The following ARHGEF4 variants were observed in gnomAD, a reference collection of about 807,000 sequenced individuals.
The protein encoded by ARHGEF4 is APC-stimulated guanine nucleotide exchange factor 1.
A neutral mutation model predicts 162.0 loss-of-function variants in ARHGEF4; 119 were observed. The observed-to-expected ratio is 0.73, with a 90% CI of 0.63 to 0.86. The LOEUF is 0.86. Among genes scored for constraint, ARHGEF4 ranks in the 40% least tolerant of loss-of-function variants. ARHGEF4 has a pLI of 0.00. For synonymous variants in ARHGEF4, 1,014 were observed against 979.9 expected (o/e 1.03, Z -0.65); for missense variants, 2,488 against 2,456.0 (o/e 1.01, Z -0.28).
intron 4 of ARHGEF4, among the ~76,000 whole-genome samples, chr2:130,968,018 A>C (rs1685112410): frequency 6.6e-6 from 1 of 152,186 alleles, no homozygotes; most frequent in Non-Finnish European, 1.5e-5. Flanking sequence ...TTATTTAGGC[A>C]GGCAGCACCC....
intron 1 of ARHGEF4, among the ~76,000 whole-genome samples, chr2:130,848,148 G>A (rs1681128617): frequency 6.6e-6 from 1 of 152,166 alleles, no homozygotes; most frequent in African/African-American, 2.4e-5. Context: ...GCACAGGATG[G>A]GTGACTTTGG....
intron 1 of ARHGEF4, among the ~76,000 whole-genome samples, chr2:130,846,706 G>A (rs1680992736): frequency 6.6e-6 from 1 of 152,202 alleles, no homozygotes; most frequent in African/African-American, 2.4e-5. Flanking sequence ...GAAGGAGGAA[G>A]GAAGCCAGGC....
intron 4 of ARHGEF4, among the ~76,000 whole-genome samples, chr2:130,977,971 G>GT (rs1398358046): frequency 6.6e-6 from 1 of 152,220 alleles, no homozygotes; most frequent in African/African-American, 2.4e-5. Flanking sequence ...GGGAAGAAAT[G>GT]TAACAGTGTG....
chr2:130,920,913 C>T (rs749726027), intron 2 of ARHGEF4, among the ~76,000 whole-genome samples: 20 of 152,114 alleles, frequency 1.3e-4, no homozygotes, highest in Non-Finnish European at 2.6e-4. Flanking sequence ...TACAGAACAG[C>T]ATAATACATA....
At chr2:130,978,275 G>A (rs1252869349) in intron 4 of ARHGEF4, among the ~76,000 whole-genome samples, 1 of 152,096 alleles carries the variant, frequency 6.6e-6, no homozygotes, top group Non-Finnish European at 1.5e-5. Flanking sequence ...GGGTGTCGTG[G>A]GCAGCTCCAT....
intron 1 of ARHGEF4, among the ~76,000 whole-genome samples, chr2:130,881,539 G>C (rs1247598785): frequency 6.6e-6 from 1 of 152,092 alleles, no homozygotes; most frequent in Admixed American, 6.5e-5. Context: ...GACATTCAAG[G>C]GCCAAGTGAC....
At chr2:130,841,359 A>G (rs1381201637) in intron 1 of ARHGEF4, among the ~76,000 whole-genome samples, 4 of 148,674 alleles carry the variant, frequency 2.7e-5, no homozygotes, top group African/African-American at 9.9e-5. Flanking sequence ...CCACCGCGCC[A>G]GGCCTAGAAA....
At chr2:130,968,061 C>T (rs941354520) in intron 4 of ARHGEF4, among the ~76,000 whole-genome samples, 2 of 152,166 alleles carry the variant, frequency 1.3e-5, no homozygotes, top group Admixed American at 6.5e-5. Flanking sequence ...AGTCTCTAGC[C>T]CCTCCAAAGG....
intron 4 of ARHGEF4, among the ~76,000 whole-genome samples, chr2:131,016,725 A>G (rs1440613188): frequency 6.6e-6 from 1 of 152,226 alleles, no homozygotes; most frequent in Non-Finnish European, 1.5e-5. Context: ...TTTCTGATTC[A>G]GTGGGTCTGG....
At chr2:131,016,823 C>A (rs1688802115) in intron 4 of ARHGEF4, among the ~76,000 whole-genome samples, 1 of 152,214 alleles carries the variant, frequency 6.6e-6, no homozygotes, top group Non-Finnish European at 1.5e-5. Flanking sequence ...CACTGACTTG[C>A]AGGGCAGTAG....
At chr2:131,040,571 C>T in intron 8 of ARHGEF4, 131 bp downstream of exon 8, 1 of 1,031,518 alleles carries the variant, frequency 9.7e-7, no homozygotes, top group Non-Finnish European at 1.4e-6. Context: ...AGCCCTCTAT[C>T]TGCCCCGCTG....
At chr2:130,905,746 T>TA (rs2105028223) in intron 1 of ARHGEF4, among the ~76,000 whole-genome samples, 1 of 152,340 alleles carries the variant, frequency 6.6e-6, no homozygotes, top group African/African-American at 2.4e-5. Flanking sequence ...TTGTTATAAT[T>TA]ACTCTTTTTA....
intron 1 of ARHGEF4, among the ~76,000 whole-genome samples, chr2:130,894,037 C>T (rs564860694): frequency 2.6e-5 from 4 of 152,248 alleles, no homozygotes; most frequent in South Asian, 4.1e-4. Context: ...CTGATGGGGT[C>T]GAGGCAGGCA....
chr2:130,841,475 C>T (rs529031485), intron 1 of ARHGEF4, among the ~76,000 whole-genome samples: 3 of 150,926 alleles, frequency 2.0e-5, no homozygotes, highest in Non-Finnish European at 4.4e-5. Flanking sequence ...ATGGGTGAGT[C>T]GTCAGTGCCA....
chr2:131,018,887 A>C (rs765204897), intron 4 of ARHGEF4, among the ~76,000 whole-genome samples: 7 of 152,196 alleles, frequency 4.6e-5, no homozygotes, highest in Non-Finnish European at 8.8e-5. Flanking sequence ...TCGAAAATCA[A>C]TTGACCACAT....
At chr2:130,865,388 C>T (rs952686411) in intron 1 of ARHGEF4, among the ~76,000 whole-genome samples, 1 of 152,232 alleles carries the variant, frequency 6.6e-6, no homozygotes, top group Non-Finnish European at 1.5e-5. Context: ...GGAAATCTCT[C>T]TCCTGTTAAT....
chr2:130,924,353 G>T (rs1458375416), intron 2 of ARHGEF4, among the ~76,000 whole-genome samples: 2 of 147,818 alleles, frequency 1.4e-5, no homozygotes, highest in Non-Finnish European at 3.0e-5. Flanking sequence ...TGCAACTTCC[G>T]TCTCCCGGGT....
intron 2 of ARHGEF4, among the ~76,000 whole-genome samples, chr2:130,924,459 G>T (rs1318920705): frequency 6.6e-6 from 1 of 152,036 alleles, no homozygotes; most frequent in East Asian, 1.9e-4. Context: ...GTAGAGACGG[G>T]GTTTCACTCT....
chr2:130,949,897 C>T (rs1683848172), intron 4 of ARHGEF4, among the ~76,000 whole-genome samples: 1 of 152,018 alleles, frequency 6.6e-6, no homozygotes, highest in Admixed American at 6.5e-5. Flanking sequence ...GATCTGTTTG[C>T]CTCAGTTTCC....
Sources: gnomAD v4.1 joint callset for allele counts (sites outside exome capture counted in the v4.1 genomes callset) on GRCh38, gnomAD v4.1.1 for gene constraint, MANE v1.5 for transcripts, NCBI Gene and HGNC (gene_info 2026-07-23, HGNC 2026-07-21) for gene names.